Variants in TMEM132E observed in about 807,000 individuals in gnomAD.
TMEM132E encodes the protein transmembrane protein 132E.
A neutral mutation model predicts 78.5 loss-of-function variants in TMEM132E; 49 were observed. The observed-to-expected ratio is 0.62, with a 90% confidence interval of 0.50 to 0.79. The LOEUF (loss-of-function observed/expected upper bound fraction) is 0.79, where lower values mean the gene tolerates loss of function less well. TMEM132E is among the 30% of genes least tolerant of loss of function. TMEM132E has a pLI of 0.00. For synonymous variants in TMEM132E, 715 were observed against 670.6 expected (o/e 1.07, Z -1.02); for missense variants, 1,403 against 1,470.9 (o/e 0.95, Z 0.75).
intron 1 of TMEM132E, 25 bp from the exon 2 acceptor site, chr17:34,626,102 G>C: frequency 1.4e-6 from 2 of 1,480,068 alleles, no homozygotes; most frequent in Non-Finnish European, 8.9e-7. Flanking sequence ...ACCACCCTGG[G>C]CCTCTTTCCT....
At chr17:34,610,667 G>A (rs1432281199) in intron 1 of TMEM132E, among the ~76,000 whole-genome samples, 1 of 152,198 alleles carries the variant, frequency 6.6e-6, no homozygotes, top group African/African-American at 2.4e-5. Context: ...TTGTGAGAAT[G>A]AATTCAAGGA....
rs1213827981 is a variant in TMEM132E at position 34,637,193 on chromosome 17, T to A, written c.2186T>A (p.Leu729His). 1 of 1,603,376 alleles carries A rather than the reference T, an allele frequency of 6.2e-7. No individual in the cohort carries two copies. The highest frequency in any genetic ancestry group is 8.5e-7 in the Non-Finnish European group (1 of 1,171,762). ...CTCCTCCAGGAAGCCCTACTGAGCC[T>A]CTGGCTCTCCTACAGTGATGGCACC... The part of the protein sequence containing the change: ...SFLKQEALLS[L>H]WLSYSDGTTA... Residue 729 changes from leucine (L) to histidine (H), a missense_variant, in exon 9 of 9, where the codon CTC becomes CAC. Around this residue, in one of 3 missense-constraint regions of TMEM132E, gnomAD observed 888 missense variants for 952.8 expected, o/e 0.93. Coordinates refer to ENST00000631683, the MANE Select transcript of TMEM132E (RefSeq NM_001304438.2).
In TMEM132E at chr17:34,636,068, A is replaced by T; in HGVS notation, c.2039A>T (p.Lys680Met). 6.3e-7 allele frequency: 1 copy of T among 1,584,048 alleles called. No individual in the cohort carries two copies. Among genetic ancestry groups the T allele is most frequent in the Non-Finnish European group, 8.6e-7 (1 of 1,166,812 alleles). Residue 680 changes from lysine (K) to methionine (M), a missense_variant, in exon 8 of 9, where the codon AAG (lysine) becomes ATG (methionine). Transcript: ENST00000631683. ...ACGCTGCTGACGGTGACTGAGGAGAAGGTCAGCATCACACAGCTTCAGGCC... is the reference window on the plus strand; with the variant it reads ...ACGCTGCTGACGGTGACTGAGGAGATGGTCAGCATCACACAGCTTCAGGCC... Reference protein sequence around the residue: ...GETLLTVTEEKVSITQLQAQV... With the variant: ...GETLLTVTEEMVSITQLQAQV...
chr17:34,632,646 A>G lies in TMEM132E; in HGVS notation c.1483-58A>G, dbSNP rs1312381208. On this transcript the variant is annotated intron_variant, in intron 5 of 8. Transcript: ENST00000631683. ...TGGTTGTCAGACTGAAGTCCTCCGC[A>G]CTGCCTCACAGGAAGACCTGTAGGG... 2.5e-6 allele frequency: 4 copies of G among 1,592,444 alleles called. No homozygotes were observed. In the African/African-American group the frequency reaches 5.4e-5, roughly 21 times the overall value.
At chr17:34,584,335 G>A (rs572564577) in intron 1 of TMEM132E, among the ~76,000 whole-genome samples, 1 of 152,312 alleles carries the variant, frequency 6.6e-6, no homozygotes, top group South Asian at 2.1e-4. Context: ...TCAAAGCGGA[G>A]TTCAAATGTC....
chr17:34,605,789 G>T (rs1906393256), intron 1 of TMEM132E, among the ~76,000 whole-genome samples: 1 of 152,198 alleles, frequency 6.6e-6, no homozygotes, highest in African/African-American at 2.4e-5. Context: ...ACTCCCAGCT[G>T]CTGATTTGGT....
At chr17:34,590,247 C>T (rs1278355569) in intron 1 of TMEM132E, among the ~76,000 whole-genome samples, 1 of 152,194 alleles carries the variant, frequency 6.6e-6, no homozygotes, top group Non-Finnish European at 1.5e-5. Flanking sequence ...TGCTGGACAC[C>T]AGGAATCCTC....
chr17:34,602,009 C>G (rs1454790896), intron 1 of TMEM132E, among the ~76,000 whole-genome samples: 1 of 152,230 alleles, frequency 6.6e-6, no homozygotes, highest in Non-Finnish European at 1.5e-5. Context: ...CCAGTCTCCA[C>G]AAGGCACTGG....
chr17:34,589,310 AC>A, intron 1 of TMEM132E, among the ~76,000 whole-genome samples: 1 of 152,122 alleles, frequency 6.6e-6, no homozygotes, highest in East Asian at 1.9e-4. Context: ...ACCTGGACGG[AC>A]CAGGAGGGAG....
chr17:34,635,160 G>T, intron 7 of TMEM132E, 73 bp downstream of exon 7: 1 of 1,471,088 alleles, frequency 6.8e-7, no homozygotes, highest in South Asian at 1.4e-5. Context: ...GCAGAACTCA[G>T]ATTTTCCTAA....
At chr17:34,622,998 A>C (rs1431722421) in intron 1 of TMEM132E, among the ~76,000 whole-genome samples, 1 of 152,124 alleles carries the variant, frequency 6.6e-6, no homozygotes, top group Non-Finnish European at 1.5e-5. Flanking sequence ...AGAGAGAGAG[A>C]GAAAAGAGAG....
intron 1 of TMEM132E, among the ~76,000 whole-genome samples, chr17:34,589,708 C>T (rs1192253562): frequency 6.6e-6 from 1 of 152,126 alleles, no homozygotes; most frequent in Non-Finnish European, 1.5e-5. Context: ...CGTTCTATGT[C>T]TGCAAATGCC....
At chr17:34,582,516 G>T (rs1018342393) in intron 1 of TMEM132E, among the ~76,000 whole-genome samples, 8 of 4,964 alleles carry the variant, frequency 1.6e-3, no homozygotes, top group African/African-American at 4.9e-3. Context: ...GTAACACCAG[G>T]GGGGGTTGTT....
intron 1 of TMEM132E, among the ~76,000 whole-genome samples, chr17:34,591,459 T>C (rs1233776206): frequency 1.3e-5 from 2 of 152,182 alleles, no homozygotes; most frequent in Non-Finnish European, 2.9e-5. Flanking sequence ...GCACATGCCA[T>C]CATACCTGGC....
intron 1 of TMEM132E, among the ~76,000 whole-genome samples, chr17:34,592,817 C>T (rs1021448647): frequency 2.0e-5 from 3 of 152,152 alleles, no homozygotes; most frequent in Admixed American, 6.5e-5. Context: ...ACCAGACCCA[C>T]CCAGAGGGTC....
chr17:34,614,586 C>T (rs185220850), intron 1 of TMEM132E: 1 of 152,286 alleles, frequency 6.6e-6, no homozygotes, highest in Non-Finnish European at 1.5e-5. Context: ...AGGCTTACAA[C>T]TTGCAGGGCA....
At chr17:34,630,441 GTCCTGGAGGGCT>G (rs1350634431) in intron 5 of TMEM132E, among the ~76,000 whole-genome samples, 1 of 152,166 alleles carries the variant, frequency 6.6e-6, no homozygotes, top group Non-Finnish European at 1.5e-5. Flanking sequence ...GCTTTGGCCA[GTCCTGGAGGGCT>G]TCCTGTAGGA....
intron 1 of TMEM132E, among the ~76,000 whole-genome samples, chr17:34,618,811 G>A (rs1906864155): frequency 6.6e-6 from 1 of 152,160 alleles, no homozygotes; most frequent in African/African-American, 2.4e-5. Context: ...GGAATGATTT[G>A]GTATCATGGG....
At position 34,632,754 on chromosome 17, in the gene TMEM132E, G is replaced by A; in HGVS notation, c.1533G>A (p.Gly511=). ...TTGTGAGTGGAAAAGAGTCTCGAGG[G>A]TCCATGAACGCCAGGGTCACCTTCC... ...YVFVSGKESR[G]SMNARVTFRY... Residue 511 remains glycine, a synonymous_variant, in exon 6 of 9, where the codon GGG becomes GGA. Transcript: ENST00000631683. 1 of 1,614,176 alleles carries A rather than the reference G, an allele frequency of 6.2e-7. No homozygotes were observed. Among genetic ancestry groups the A allele is most frequent in the Non-Finnish European group, 8.5e-7 (1 of 1,180,042 alleles).
Sources: gnomAD v4.1 joint callset for allele counts (sites outside exome capture counted in the v4.1 genomes callset) on GRCh38, gnomAD v4.1.1 for gene constraint, gnomAD v4.1.1 regional missense constraint, MANE v1.5 for transcripts, NCBI Gene and HGNC (gene_info 2026-07-23, HGNC 2026-07-21) for gene names.